The following KIF5C variants were observed in gnomAD, a reference collection of about 807,000 sequenced individuals.
KIF5C encodes kinesin family member 5C, also known as kinesin heavy chain isoform 5C.
A neutral mutation model predicts 125.2 loss-of-function variants in KIF5C; 18 were observed. The ratio of observed to expected loss-of-function variants is 0.14; its 90% CI spans 0.10 to 0.21. The LOEUF is 0.21. KIF5C is among the 10% of genes least tolerant of loss of function. The pLI, the probability that KIF5C is intolerant of heterozygous loss-of-function variation, is 1.00. For missense variants in KIF5C, 780 were observed against 1,183.8 expected (o/e 0.66, Z 5.01); for synonymous variants, 405 against 434.0 (o/e 0.93, Z 0.83).
At chr2:148,930,418 A>G (rs944797793) in intron 3 of KIF5C, among the ~76,000 whole-genome samples, 13 of 151,208 alleles carry the variant, frequency 8.6e-5, no homozygotes, top group Non-Finnish European at 1.8e-4. Context: ...ATAGGTAAGG[A>G]GAGGTGGTAA....
chr2:148,967,480 A>G, intron 11 of KIF5C, among the ~76,000 whole-genome samples: 1 of 152,272 alleles, frequency 6.6e-6, no homozygotes, highest in African/African-American at 2.4e-5. Flanking sequence ...AAGTGGGAAT[A>G]CTGTGCTTGC....
chr2:148,925,623 C>A (rs1681960854), intron 2 of KIF5C, among the ~76,000 whole-genome samples: 1 of 152,190 alleles, frequency 6.6e-6, no homozygotes, highest in Non-Finnish European at 1.5e-5. Context: ...GACTGACTGA[C>A]TGATATTCTT....
intron 7 of KIF5C, among the ~76,000 whole-genome samples, chr2:148,943,607 C>G (rs765448902): frequency 6.6e-6 from 1 of 152,022 alleles, no homozygotes; most frequent in African/African-American, 2.4e-5. Flanking sequence ...CTTAGAATAC[C>G]CATGATTGTT....
intron 1 of KIF5C, among the ~76,000 whole-genome samples, chr2:148,916,765 G>A (rs1001594607): frequency 6.6e-6 from 1 of 152,100 alleles, no homozygotes; most frequent in African/African-American, 2.4e-5. Flanking sequence ...GGGGAAAAAA[G>A]GACCAGAAAT....
intron 25 of KIF5C, among the ~76,000 whole-genome samples, chr2:149,012,948 G>A (rs113206130): frequency 2.6e-5 from 4 of 152,340 alleles, no homozygotes; most frequent in African/African-American, 7.2e-5. Flanking sequence ...GATCCAGCTG[G>A]GCAGCTTAGA....
chr2:148,950,130 G>A (rs1242790208), intron 9 of KIF5C, among the ~76,000 whole-genome samples, 184 bp from the exon 10 acceptor site: 5 of 152,142 alleles, frequency 3.3e-5, no homozygotes, highest in Non-Finnish European at 7.4e-5. Flanking sequence ...GAATGGTGAT[G>A]CTAATTTCCT....
rs565317718 is a variant in KIF5C, at chr2:148,876,810, G to A, written c.126+1067G>A. On this transcript the variant is annotated intron_variant, in intron 1 of 25. Transcript: ENST00000435030. The surrounding 1 kb of genome is among the most constrained non-coding windows in gnomAD (Gnocchi z 4.7). ...CCTTTGTATGCGAGCCGCGTGGGGA[G>A]GGACCGAGTTAATGGGAGCCTCCCG... Among the ~76,000 whole-genome samples, 1 of 152,294 alleles carries A rather than the reference G, an allele frequency of 6.6e-6. No individual in the cohort carries two copies. Among genetic ancestry groups the A allele is most frequent in the African/African-American group, 2.4e-5 (1 of 41,560 alleles).
chr2:148,995,696 G>A (rs1434759884), intron 17 of KIF5C, among the ~76,000 whole-genome samples: 2 of 152,168 alleles, frequency 1.3e-5, no homozygotes, highest in African/African-American at 2.4e-5. Flanking sequence ...CAGCAAAAAA[G>A]AGGAAGCCAT....
At position 148,875,575 on chromosome 2, in the gene KIF5C, G is replaced by GCCCCCCCCCCCCCCCCCCGCCC; in HGVS notation, c.-37_-36insCCCCCCCCCCCCGCCCCCCCCC. The GCCCCCCCCCCCCCCCCCCGCCC allele has an allele frequency of 1.4e-6, 1 of 699,606 alleles. No individual in the cohort carries two copies. The highest frequency in any genetic ancestry group is 2.6e-6 in the Non-Finnish European group (1 of 389,230). 43.3% of individuals were successfully genotyped at this position (699,606 alleles called of 1,614,324 possible). The stretch of plus-strand genomic sequence containing the variant: ...TCCTCCCTCGTCGTTCCCGGCCCCG[G>GCCCCCCCCCCCCCCCCCCGCCC]CCCCCCACCCATCCCCGTGCCCCCT... On this transcript the variant is annotated 5_prime_UTR_variant, in exon 1 of 26. Transcript: ENST00000435030.
At chr2:148,886,593 A>T (rs1558872102) in intron 1 of KIF5C, among the ~76,000 whole-genome samples, 1 of 152,140 alleles carries the variant, frequency 6.6e-6, no homozygotes, top group Non-Finnish European at 1.5e-5. Flanking sequence ...CCCAGCATGG[A>T]AGAGGCTGTT....
chr2:149,004,579 C>A (rs1681949701), intron 21 of KIF5C, among the ~76,000 whole-genome samples: 1 of 152,026 alleles, frequency 6.6e-6, no homozygotes, highest in Non-Finnish European at 1.5e-5. Flanking sequence ...AAAAAATGCC[C>A]CCAAGATGAC....
At chr2:149,014,190 A>G (rs568334527) in intron 25 of KIF5C, among the ~76,000 whole-genome samples, 40 of 152,194 alleles carry the variant, frequency 2.6e-4, no homozygotes, top group Non-Finnish European at 5.3e-4. Flanking sequence ...ATGCCCAGCT[A>G]GTTTTTGTAT....
At chr2:148,935,774 CTTTATATATCCTA>C (rs1447797047) in intron 3 of KIF5C, among the ~76,000 whole-genome samples, 1 of 152,160 alleles carries the variant, frequency 6.6e-6, no homozygotes, top group Non-Finnish European at 1.5e-5. Flanking sequence ...TCACTAAGCA[CTTTATATATCCTA>C]TTTAACTTGA....
rs776383199 is a variant in KIF5C, at chr2:148,981,580, A to T, written c.1569+19A>T. ...GAAAACGGTTGGAGCATTTGTGTCT[A>T]GGGGGTGGGACTTCCTTGGCTGCCG... On this transcript the variant is annotated intron_variant, in intron 14 of 25. Transcript: ENST00000435030. 2 of 1,569,012 alleles carry T rather than the reference A, an allele frequency of 1.3e-6. No individual in the cohort carries two copies. Among genetic ancestry groups the T allele is most frequent in the Non-Finnish European group, 1.7e-6 (2 of 1,157,588 alleles).
rs1201246012 is a variant in KIF5C at position 148,979,299 on chromosome 2, T to G, written c.1362+309T>G. On this transcript the variant is annotated intron_variant, in intron 13 of 25. Coordinates refer to ENST00000435030, the MANE Select transcript of KIF5C (RefSeq NM_004522.3). ...GGATGATCCTTTTTTATTTTTATTT[T>G]TTTGAGACAGGGTCTCTCTGTTGTC... is the stretch of plus-strand genomic sequence containing the variant. 2.0e-5 allele frequency among the ~76,000 whole-genome samples: 3 copies of G among 152,312 alleles called. No homozygotes were observed. The East Asian group carries it at 5.8e-4, about 29-fold the overall frequency.
At chr2:148,995,076 A>G (rs1681629341) in intron 17 of KIF5C, among the ~76,000 whole-genome samples, 1 of 152,110 alleles carries the variant, frequency 6.6e-6, no homozygotes, top group South Asian at 2.1e-4. Context: ...AGTTACCCAA[A>G]TCAGAATCCC....
At chr2:148,937,174 G>C in intron 3 of KIF5C, 110 bp from the exon 4 acceptor site, 1 of 1,445,026 alleles carries the variant, frequency 6.9e-7, no homozygotes, top group Non-Finnish European at 9.2e-7. Context: ...ACACGTGGGT[G>C]CTTCCTGCTC....
At position 149,024,844 on chromosome 2, in the gene KIF5C, T is replaced by A. The variant is rs1558955697; in HGVS notation, c.*1774T>A. The A allele has an allele frequency of 6.6e-6, 1 of 152,588 alleles. No homozygotes were observed. Among genetic ancestry groups the A allele is most frequent in the Non-Finnish European group, 1.5e-5 (1 of 68,032 alleles). The allele number at this position is 152,588 out of a possible 1,614,324, so 9.5% of individuals were successfully genotyped here. A position where few individuals can be genotyped will look rare whatever the true frequency, so the allele number is the denominator to read the frequency against. On this transcript the variant is annotated 3_prime_UTR_variant, in exon 26 of 26. Transcript: ENST00000435030. The stretch of plus-strand genomic sequence containing the variant: ...ATACCTGCTCTACCATTATTTGCGG[T>A]CTGATAAAAGGGTCCTTGTGGGGCA...
At chr2:148,966,371 C>A (rs1423381817) in intron 11 of KIF5C, among the ~76,000 whole-genome samples, 1 of 149,618 alleles carries the variant, frequency 6.7e-6, no homozygotes, top group East Asian at 1.9e-4. Flanking sequence ...CGCACACACA[C>A]ACATGCTTGT....
Sources: gnomAD v4.1 joint callset for allele counts (sites outside exome capture counted in the v4.1 genomes callset) on GRCh38, gnomAD v4.1.1 for gene constraint, Gnocchi (gnomAD v3.1) non-coding constraint, MANE v1.5 for transcripts, NCBI Gene and HGNC (gene_info 2026-07-23, HGNC 2026-07-21) for gene names.